The following HDAC9 variants were observed in gnomAD, a reference collection of about 807,000 sequenced individuals.
HDAC9 encodes the protein histone deacetylase 9, also known as MEF-2 interacting transcription repressor (MITR) protein.
A neutral mutation model predicts 139.4 loss-of-function variants in HDAC9; 41 were observed. The ratio of observed to expected loss-of-function variants is 0.29; its 90% CI spans 0.23 to 0.38. The LOEUF (loss-of-function observed/expected upper bound fraction) is 0.38. Ranked by LOEUF, HDAC9 falls within the 10% of genes least tolerant of loss-of-function variation. The pLI is 1.00. For synonymous variants in HDAC9, 517 were observed against 476.2 expected (o/e 1.09, Z -1.12); for missense variants, 1,147 against 1,297.0 (o/e 0.88, Z 1.78).
At chr7:18,788,796 G>A (rs188182258) in intron 16 of HDAC9, among the ~76,000 whole-genome samples, 1 of 151,436 alleles carries the variant, frequency 6.6e-6, no homozygotes, top group East Asian at 1.9e-4. Flanking sequence ...CAAAGTGAAG[G>A]CTCACCGACC....
chr7:18,633,575 A>G (rs986358186), intron 7 of HDAC9, among the ~76,000 whole-genome samples: 3 of 152,110 alleles, frequency 2.0e-5, no homozygotes, highest in African/African-American at 7.2e-5. Flanking sequence ...TGTAGATAAC[A>G]TAATCATGAG....
chr7:18,232,314 A>G (rs1793518567), intron 2 of HDAC9, among the ~76,000 whole-genome samples: 1 of 152,116 alleles, frequency 6.6e-6, no homozygotes, highest in South Asian at 2.1e-4. Context: ...TATGGGGTGT[A>G]ATTATAGCCT....
intron 22 of HDAC9, among the ~76,000 whole-genome samples, chr7:18,929,675 C>T (rs763328543): frequency 5.3e-5 from 8 of 152,198 alleles, no homozygotes; most frequent in South Asian, 2.1e-4. Flanking sequence ...TGGTAGCTTA[C>T]GCCTGTAATT....
In HDAC9 at chr7:18,481,177, A is replaced by T. The variant is rs113804078; in HGVS notation, c.-41-15085A>T. On this transcript the variant is annotated intron_variant, in intron 1 of 3. Transcript: ENST00000413509. ...CTTTTATCCCCACTTAACAACTGTA[A>T]ATATCAGTAATAATAATAATATTAT... is the stretch of plus-strand genomic sequence containing the variant. Among the ~76,000 whole-genome samples the T allele has an allele frequency of 8.5e-3, 1,298 of 152,276 alleles. 18 individuals are homozygous for T. The highest frequency in any genetic ancestry group is 0.029 in the African/African-American group (1,221 of 41,540).
chr7:18,153,679 T>C (rs1332965098), intron 1 of HDAC9, among the ~76,000 whole-genome samples: 3 of 152,176 alleles, frequency 2.0e-5, no homozygotes, highest in African/African-American at 7.2e-5. Flanking sequence ...AGGAAGTCAG[T>C]GCAAATCGGC....
At chr7:18,706,434 C>T (rs1289182142) in intron 12 of HDAC9, among the ~76,000 whole-genome samples, 1 of 152,144 alleles carries the variant, frequency 6.6e-6, no homozygotes, top group Non-Finnish European at 1.5e-5. Flanking sequence ...AAACAACAAG[C>T]TGTTCCCACT....
At chr7:18,897,820 A>C (rs958931147) in intron 22 of HDAC9, among the ~76,000 whole-genome samples, 27 of 132,742 alleles carry the variant, frequency 2.0e-4, no homozygotes, top group African/African-American at 8.0e-4. Context: ...GGTTACTTAA[A>C]AAAAAAAAAA....
chr7:18,088,353 T>G (rs1277607289), intron 1 of HDAC9, among the ~76,000 whole-genome samples: 1 of 152,214 alleles, frequency 6.6e-6, no homozygotes, highest in East Asian at 1.9e-4. Context: ...TGTGCTGAGA[T>G]TTCTCATAAG....
chr7:18,444,577 G>A (rs1013972990), intron 1 of HDAC9, among the ~76,000 whole-genome samples: 1 of 152,062 alleles, frequency 6.6e-6, no homozygotes, highest in African/African-American at 2.4e-5. Context: ...CATATGGGAT[G>A]AGTTGATGGT....
intron 1 of HDAC9, among the ~76,000 whole-genome samples, chr7:18,138,435 G>T (rs564143363): frequency 9.2e-5 from 14 of 152,060 alleles, no homozygotes. Context: ...GGTTTTAGGA[G>T]ATGGAGGGAG....
intron 6 of HDAC9, among the ~76,000 whole-genome samples, chr7:18,623,390 G>T (rs1268663844): frequency 6.6e-6 from 1 of 152,094 alleles, no homozygotes; most frequent in African/African-American, 2.4e-5. Context: ...ACTAGGCAAA[G>T]GAGTGTACCA....
intron 3 of HDAC9, among the ~76,000 whole-genome samples, chr7:18,589,262 A>G (rs1377262067): frequency 6.6e-6 from 1 of 152,174 alleles, no homozygotes; most frequent in African/African-American, 2.4e-5. Flanking sequence ...AAGGTGGCTC[A>G]CACCCGTAAT....
chr7:18,640,826 C>T (rs913900460), intron 8 of HDAC9, among the ~76,000 whole-genome samples: 2 of 151,932 alleles, frequency 1.3e-5, no homozygotes, highest in Non-Finnish European at 2.9e-5. Context: ...TGGGTGCTGC[C>T]GCGTACTGAT....
At chr7:18,448,720 C>T (rs991954541) in intron 1 of HDAC9, among the ~76,000 whole-genome samples, 1 of 151,932 alleles carries the variant, frequency 6.6e-6, no homozygotes, top group East Asian at 1.9e-4. Context: ...AAAAATGGTA[C>T]AAATTAATTT....
chr7:18,096,831 T>C (rs751550726), intron 1 of HDAC9, among the ~76,000 whole-genome samples: 1 of 151,928 alleles, frequency 6.6e-6, no homozygotes, highest in South Asian at 2.1e-4. Flanking sequence ...AACTCTCACA[T>C]GAGAAGTGCC....
In HDAC9 at chr7:18,145,658, A is replaced by G. The variant is rs1786260866; in HGVS notation, c.-96-16571A>G. ...AAGACTGACTGGAGCAAACCAAAAAATAGAAGTTACAGAGGGGTATATTTT... is the reference window on the plus strand; with the variant it reads ...AAGACTGACTGGAGCAAACCAAAAAGTAGAAGTTACAGAGGGGTATATTTT... On this transcript the variant is annotated intron_variant, in intron 1 of 12. Transcript: ENST00000417496. 2.6e-5 allele frequency among the ~76,000 whole-genome samples: 4 copies of G among 152,344 alleles called. No individual in the cohort carries two copies. In the South Asian group the frequency reaches 8.3e-4, roughly 32 times the overall value.
intron 2 of HDAC9, among the ~76,000 whole-genome samples, chr7:18,577,916 GA>G (rs1230737527): frequency 1.3e-5 from 2 of 151,884 alleles, no homozygotes; most frequent in Admixed American, 1.3e-4. Context: ...GAATGAGACT[GA>G]AAAAAAGGAC....
intron 21 of HDAC9, among the ~76,000 whole-genome samples, chr7:18,842,814 C>T (rs1454549987): frequency 6.6e-6 from 1 of 152,024 alleles, no homozygotes; most frequent in African/African-American, 2.4e-5. Context: ...TTATGCACAC[C>T]TGTCTTCCTA....
At chr7:18,210,849 CGGA>C (rs1791889524) in intron 2 of HDAC9, among the ~76,000 whole-genome samples, 1 of 152,016 alleles carries the variant, frequency 6.6e-6, no homozygotes, top group Non-Finnish European at 1.5e-5. Context: ...CATGACAGTC[CGGA>C]GGAGAAGAAA....
Sources: gnomAD v4.1 joint callset for allele counts (sites outside exome capture counted in the v4.1 genomes callset) on GRCh38, gnomAD v4.1.1 for gene constraint, MANE v1.5 for transcripts, NCBI Gene and HGNC (gene_info 2026-07-23, HGNC 2026-07-21) for gene names.